SHANK2: variants seen among roughly 807,000 people sequenced by gnomAD.
SHANK2 encodes the protein SH3 and multiple ankyrin repeat domains 2, also known as SH3 and multiple ankyrin repeat domains protein 2.
A neutral mutation model predicts 133.7 loss-of-function variants in SHANK2; 43 were observed. The ratio of observed to expected loss-of-function variants is 0.32; its 90% CI spans 0.25 to 0.41. The LOEUF is 0.41. Among genes scored for constraint, SHANK2 ranks in the 10% least tolerant of loss-of-function variants. The pLI is 1.00. For synonymous variants in SHANK2, 1,017 were observed against 952.8 expected, an observed-to-expected ratio of 1.07 and a Z score of -1.24; for missense variants, 1,994 against 2,235.8, an observed-to-expected ratio of 0.89 and a Z score of 2.18.
intron 15 of SHANK2, among the ~76,000 whole-genome samples, chr11:70,694,728 C>T (rs1348994313): frequency 2.0e-5 from 3 of 152,230 alleles, no homozygotes; most frequent in Admixed American, 6.5e-5. Flanking sequence ...TCTCACTCCA[C>T]ACCCACTCCA....
At chr11:71,226,745 T>C (rs538815545) in intron 1 of SHANK2, 1 of 152,102 alleles carries the variant, frequency 6.6e-6, no homozygotes, top group Admixed American at 6.5e-5. Flanking sequence ...GCAGACCTAT[T>C]CTAAAAGAAT....
At chr11:70,591,097 TTTG>T in intron 17 of SHANK2, among the ~76,000 whole-genome samples, 1 of 152,176 alleles carries the variant, frequency 6.6e-6, no homozygotes, top group African/African-American at 2.4e-5. Context: ...ATCCCAGCAC[TTTG>T]GGAGGCCGAG....
At chr11:70,585,980 TG>T (rs1310696322) in intron 17 of SHANK2, among the ~76,000 whole-genome samples, 1 of 152,152 alleles carries the variant, frequency 6.6e-6, no homozygotes, top group Non-Finnish European at 1.5e-5. Flanking sequence ...AACTGTTTAA[TG>T]ACAACCTCCC....
At chr11:71,227,902 T>C (rs1954668806) in intron 1 of SHANK2, among the ~76,000 whole-genome samples, 1 of 150,638 alleles carries the variant, frequency 6.6e-6, no homozygotes, top group Non-Finnish European at 1.5e-5. Flanking sequence ...AAGAAAATAA[T>C]AAACATATGA....
intron 17 of SHANK2, among the ~76,000 whole-genome samples, chr11:70,651,182 C>T (rs1555010017): frequency 1.3e-5 from 2 of 152,212 alleles, no homozygotes; most frequent in African/African-American, 4.8e-5. Context: ...ATCTGCCAGT[C>T]CCATGGCATC....
At position 70,830,428 on chromosome 11, in the gene SHANK2, C is replaced by T. The variant is rs1369894402; in HGVS notation, c.1175-9746G>A. On this transcript the variant is annotated intron_variant, in intron 11 of 25. Transcript: ENST00000601538. This position sits in a 1 kb window ranked among gnomAD's most constrained non-coding sequence, Gnocchi z 4.4. ...ACCCCTGAGCCCCAGGTAGATGGTT[C>T]GCATTCTCCTGCCATCTGCACACAG... Among the ~76,000 whole-genome samples the T allele has an allele frequency of 2.6e-5, 4 of 152,150 alleles. No individual in the cohort carries two copies. The highest frequency in any genetic ancestry group is 4.4e-5 in the Non-Finnish European group (3 of 68,036).
intron 11 of SHANK2, among the ~76,000 whole-genome samples, chr11:70,821,944 C>A (rs1428073774): frequency 2.0e-5 from 3 of 152,202 alleles, no homozygotes; most frequent in Admixed American, 2.0e-4. Context: ...ACTCTCCTCA[C>A]TCAATGAGAC....
chr11:70,926,930 G>T (rs545437959), intron 10 of SHANK2, among the ~76,000 whole-genome samples: 2 of 152,292 alleles, frequency 1.3e-5, no homozygotes, highest in African/African-American at 4.8e-5. Context: ...CGAGCTGGAG[G>T]AGGCATCTGA....
chr11:71,210,212 A>G (rs184630592), intron 2 of SHANK2, among the ~76,000 whole-genome samples: 678 of 21,062 alleles, frequency 0.032, 28 homozygotes, highest in East Asian at 0.13. Context: ...ATCCACAGGT[A>G]TATATATATA....
intron 17 of SHANK2, among the ~76,000 whole-genome samples, chr11:70,559,907 T>C (rs564973490): frequency 1.2e-4 from 18 of 152,164 alleles, no homozygotes; most frequent in Non-Finnish European, 1.9e-4. Flanking sequence ...AGTCTCACTC[T>C]GTTGCCCAGG....
At chr11:70,612,432 G>A (rs1307128590) in intron 17 of SHANK2, among the ~76,000 whole-genome samples, 2 of 152,162 alleles carry the variant, frequency 1.3e-5, no homozygotes, top group African/African-American at 4.8e-5. Flanking sequence ...CTCTACATAC[G>A]TGTGTACACG....
intron 7 of SHANK2, 58 bp from the exon 8 acceptor site, chr11:71,092,647 G>C: frequency 6.6e-7 from 1 of 1,515,752 alleles, no homozygotes; most frequent in South Asian, 1.2e-5. Context: ...TTTGCAGAGT[G>C]AGGTGATCCA....
chr11:71,110,066 T>C lies in SHANK2; in HGVS notation c.484-17A>G, dbSNP rs938566217. 8.7e-6 allele frequency: 13 copies of C among 1,499,672 alleles called. No individual in the cohort carries two copies. The highest frequency in any genetic ancestry group is 1.1e-5 in the Non-Finnish European group (12 of 1,099,954). The allele number at this position is 1,499,672 out of a possible 1,614,324, so 92.9% of individuals were successfully genotyped here. ...CAGATTGGTCTAGAAGGAAAAACAA[T>C]ACAATTGAAACATCTTTATAAGAAA... On this transcript the variant is annotated splice_polypyrimidine_tract_variant and intron_variant, in intron 5 of 25. Coordinates refer to ENST00000601538, the MANE Select transcript of SHANK2 (RefSeq NM_012309.5).
At chr11:70,502,066 T>C in intron 19 of SHANK2, 135 bp from the exon 20 acceptor site, 1 of 1,316,738 alleles carries the variant, frequency 7.6e-7, no homozygotes, top group South Asian at 1.3e-5. Flanking sequence ...GCAGGGGCAT[T>C]TCCTGATGCA....
chr11:71,082,539 C>T (rs1271979068), intron 8 of SHANK2, among the ~76,000 whole-genome samples: 2 of 152,220 alleles, frequency 1.3e-5, no homozygotes, highest in African/African-American at 4.8e-5. Flanking sequence ...AGGCAGCTCA[C>T]GCTGGGCTGT....
chr11:70,555,772 A>G (rs1479601214), intron 17 of SHANK2, among the ~76,000 whole-genome samples: 2 of 152,184 alleles, frequency 1.3e-5, no homozygotes, highest in African/African-American at 4.8e-5. Flanking sequence ...GAACATACAA[A>G]TTATCAGAAA....
rs2058555647 is a variant in SHANK2, at chr11:70,468,051, C to T, written c.*4818G>A. ...AACTATTTTATCAGCTACATTAATACATTGAAGATATATTTATCCTTTCAT... is the reference window on the plus strand; with the variant it reads ...AACTATTTTATCAGCTACATTAATATATTGAAGATATATTTATCCTTTCAT... On this transcript the variant is annotated 3_prime_UTR_variant, in exon 26 of 26. Transcript: ENST00000601538. The T allele has an allele frequency of 6.6e-6, 1 of 152,588 alleles. No homozygotes were observed. Among genetic ancestry groups the T allele is most frequent in the Non-Finnish European group, 1.5e-5 (1 of 68,040 alleles). The allele number at this position is 152,588 out of a possible 1,614,324, so 9.5% of individuals were successfully genotyped here. A position where few individuals can be genotyped will look rare whatever the true frequency, so the allele number is the denominator to read the frequency against.
At chr11:70,661,833 A>C (rs1944549081) in intron 15 of SHANK2, 155 bp from the exon 16 acceptor site, 2 of 1,606,024 alleles carry the variant, frequency 1.2e-6, no homozygotes, top group East Asian at 4.5e-5. Flanking sequence ...GCGAGGGTGC[A>C]GGAGGAGCGA....
intron 14 of SHANK2, among the ~76,000 whole-genome samples, chr11:70,709,322 A>T (rs1272604379): frequency 1.3e-5 from 2 of 152,266 alleles, no homozygotes; most frequent in Admixed American, 6.5e-5. Context: ...AGCCCTGAAC[A>T]CACATGAACA....
Sources: gnomAD v4.1 joint callset for allele counts (sites outside exome capture counted in the v4.1 genomes callset) on GRCh38, gnomAD v4.1.1 for gene constraint, Gnocchi (gnomAD v3.1) non-coding constraint, MANE v1.5 for transcripts, NCBI Gene and HGNC (gene_info 2026-07-23, HGNC 2026-07-21) for gene names.